Variants in KCNIP4 observed in about 807,000 individuals in gnomAD.
The protein encoded by KCNIP4 is Kv channel-interacting protein 4.
Under a neutral mutation model 34.0 loss-of-function variants are expected in KCNIP4, and 12 were observed. That is an observed-to-expected ratio of 0.35 (90% confidence interval 0.23 to 0.57). The LOEUF (loss-of-function observed/expected upper bound fraction) is 0.57. Among genes scored for constraint, KCNIP4 ranks in the 20% least tolerant of loss-of-function variants. The probability of loss-of-function intolerance (pLI) is 0.83; values close to 1 mark genes in which losing one functional copy is unlikely to be tolerated. For missense variants in KCNIP4, 238 were observed against 311.7 expected, an observed-to-expected ratio of 0.76 and a Z score of 1.78; for synonymous variants, 124 against 102.2, an observed-to-expected ratio of 1.21 and a Z score of -1.29.
chr4:21,072,722 T>C (rs537783314), intron 1 of KCNIP4, among the ~76,000 whole-genome samples: 1 of 152,166 alleles, frequency 6.6e-6, no homozygotes, highest in East Asian at 1.9e-4. Context: ...TCCTTGCCCA[T>C]GCCTATGTCC....
chr4:21,690,915 A>G (rs1348233191), intron 1 of KCNIP4, among the ~76,000 whole-genome samples: 2 of 152,232 alleles, frequency 1.3e-5, no homozygotes, highest in African/African-American at 2.4e-5. Flanking sequence ...ATGTAAAAAA[A>G]CATACAGAGA....
chr4:21,710,048 G>C (rs1713600882), intron 1 of KCNIP4, among the ~76,000 whole-genome samples: 1 of 152,196 alleles, frequency 6.6e-6, no homozygotes, highest in Admixed American at 6.5e-5. Flanking sequence ...GGCAGCAATA[G>C]AACAGCAACA....
chr4:21,345,415 T>C (rs1717190352), intron 1 of KCNIP4, among the ~76,000 whole-genome samples: 1 of 152,154 alleles, frequency 6.6e-6, no homozygotes, highest in Non-Finnish European at 1.5e-5. Flanking sequence ...AGATAAATTT[T>C]TGTTGTTTTA....
chr4:21,745,764 AT>A (rs1252686287), intron 1 of KCNIP4, among the ~76,000 whole-genome samples: 4 of 152,192 alleles, frequency 2.6e-5, no homozygotes, highest in African/African-American at 9.6e-5. Context: ...TGCTAAAAAA[AT>A]AAGAAAATAT....
intron 1 of KCNIP4, among the ~76,000 whole-genome samples, chr4:21,632,127 T>A (rs1298131675): frequency 6.6e-6 from 1 of 152,212 alleles, no homozygotes; most frequent in East Asian, 1.9e-4. Context: ...ACAGTGATGA[T>A]CTTCTAACAT....
chr4:21,861,284 T>A (rs1725059473), intron 1 of KCNIP4, among the ~76,000 whole-genome samples: 1 of 152,206 alleles, frequency 6.6e-6, no homozygotes, highest in African/African-American at 2.4e-5. Context: ...TTGGTAAATT[T>A]ATATAATAAT....
chr4:21,883,778 C>G (rs1357119822), intron 1 of KCNIP4, among the ~76,000 whole-genome samples: 1 of 152,064 alleles, frequency 6.6e-6, no homozygotes, highest in Admixed American at 6.6e-5. Context: ...ACATTTGTGA[C>G]TAACAAATTC....
intron 1 of KCNIP4, among the ~76,000 whole-genome samples, chr4:21,519,343 T>TACACAC (rs137872471): frequency 0.065 from 7,486 of 115,266 alleles, 443 homozygotes; most frequent in African/African-American, 0.13. Flanking sequence ...GAGAGAGAGA[T>TACACAC]ACACACACAC....
intron 1 of KCNIP4, among the ~76,000 whole-genome samples, chr4:20,946,398 G>T (rs960508573): frequency 6.6e-6 from 1 of 152,158 alleles, no homozygotes; most frequent in African/African-American, 2.4e-5. Flanking sequence ...CAGAGAGAAG[G>T]CCTGAGTGGT....
chr4:20,995,807 T>C (rs969625162), intron 1 of KCNIP4, among the ~76,000 whole-genome samples: 59 of 152,296 alleles, frequency 3.9e-4, no homozygotes, highest in African/African-American at 1.3e-3. Context: ...ACCGGTTATG[T>C]ACCATGCAAA....
intron 1 of KCNIP4, among the ~76,000 whole-genome samples, chr4:21,219,611 A>G (rs62295321): frequency 6.6e-6 from 1 of 151,772 alleles, no homozygotes; most frequent in South Asian, 2.1e-4. Flanking sequence ...TTCATTTGCA[A>G]CTGGTTGAGA....
chr4:20,877,443 T>C (rs922227083), intron 2 of KCNIP4, among the ~76,000 whole-genome samples: 1 of 152,192 alleles, frequency 6.6e-6, no homozygotes, highest in African/African-American at 2.4e-5. Context: ...TACTGAATCA[T>C]AGAATTTCAG....
intron 1 of KCNIP4, among the ~76,000 whole-genome samples, chr4:21,579,084 T>A (rs537872743): frequency 4.5e-4 from 68 of 152,288 alleles, no homozygotes; most frequent in African/African-American, 1.5e-3. Context: ...TCAACTGATT[T>A]AAGACTGCTT....
At chr4:21,112,720 T>C (rs545704361) in intron 1 of KCNIP4, among the ~76,000 whole-genome samples, 1 of 152,312 alleles carries the variant, frequency 6.6e-6, no homozygotes, top group African/African-American at 2.4e-5. Context: ...TGCTCAGTCA[T>C]CTGGGAAAAC....
intron 1 of KCNIP4, among the ~76,000 whole-genome samples, chr4:21,400,797 T>C (rs1723490849): frequency 6.6e-6 from 1 of 152,148 alleles, no homozygotes; most frequent in South Asian, 2.1e-4. Flanking sequence ...AGCAAGCCCC[T>C]GATTTTGTAG....
chr4:21,823,751 C>A (rs527794953), intron 1 of KCNIP4, among the ~76,000 whole-genome samples: 19 of 152,234 alleles, frequency 1.2e-4, no homozygotes, highest in South Asian at 2.1e-4. Flanking sequence ...CAGTCAGTGA[C>A]TCAACTTTTA....
Position 21,948,731 on chromosome 4 carries a change from G to GGCGTCCGTGGCGCTGGGA in KCNIP4, c.-118_-101dup, listed in dbSNP as rs1302868173. On this transcript the variant is annotated 5_prime_UTR_variant, in exon 1 of 9. Transcript: ENST00000382152. ...GGAGCGCACCGCCGCTCGGCCCGGG[G>GGCGTCCGTGGCGCTGGGA]GCGTCCGTGGCGCTGGGAGCGAGAG... 3.1e-6 allele frequency: 4 copies of GGCGTCCGTGGCGCTGGGA among 1,278,424 alleles called. No individual in the cohort carries two copies. The highest frequency in any genetic ancestry group is 3.0e-6 in the Non-Finnish European group (3 of 996,918). 79.2% of individuals were successfully genotyped at this position (1,278,424 alleles called of 1,614,324 possible).
intron 1 of KCNIP4, among the ~76,000 whole-genome samples, chr4:21,547,863 T>TCAC (rs1738264973): frequency 1.4e-5 from 2 of 142,900 alleles, no homozygotes; most frequent in African/African-American, 5.1e-5. Context: ...ACGTATAGCC[T>TCAC]GAAGGTGACT....
chr4:21,238,524 C>T (rs1465870986), intron 1 of KCNIP4, among the ~76,000 whole-genome samples: 1 of 152,204 alleles, frequency 6.6e-6, no homozygotes, highest in Non-Finnish European at 1.5e-5. Flanking sequence ...TAAGCAACTT[C>T]AGCAAAGTCT....
Sources: gnomAD v4.1 joint callset for allele counts (sites outside exome capture counted in the v4.1 genomes callset) on GRCh38, gnomAD v4.1.1 for gene constraint, MANE v1.5 for transcripts, NCBI Gene and HGNC (gene_info 2026-07-23, HGNC 2026-07-21) for gene names.